MAU2: variants seen among roughly 807,000 people sequenced by gnomAD.
MAU2 encodes the protein MAU2 sister chromatid cohesion factor, also known as MAU2 chromatid cohesion factor homolog.
Under a neutral mutation model 89.1 loss-of-function variants are expected in MAU2, and 9 were observed. The ratio of observed to expected loss-of-function variants is 0.10; its 90% CI spans 0.06 to 0.18. The LOEUF (loss-of-function observed/expected upper bound fraction) is 0.18. Ranked by LOEUF, MAU2 falls within the 10% of genes least tolerant of loss-of-function variation. MAU2 has a pLI of 1.00. For missense variants in MAU2, 425 were observed against 803.5 expected, an observed-to-expected ratio of 0.53 and a Z score of 5.69; for synonymous variants, 357 against 343.4, an observed-to-expected ratio of 1.04 and a Z score of -0.44.
rs375537806 is a variant in MAU2 at position 19,338,916 on chromosome 19, G to T, written c.528G>T (p.Arg176=). Residue 176 remains arginine (R), a synonymous_variant, in exon 5 of 19, where the codon CGG becomes CGT. Coordinates refer to ENST00000262815, the MANE Select transcript of MAU2 (RefSeq NM_015329.4). ...TGGGTGTAGGGGCCGAGTACGCCCG[G>T]GTGGTGGGATCTGAATACACACGGT... ...DLLGVGAEYA[R]VVGSEYTRAL... is the part of the protein sequence containing the mutation. 2.5e-6 allele frequency: 4 copies of T among 1,613,424 alleles called. No homozygotes were observed. The highest frequency in any genetic ancestry group is 2.5e-6 in the Non-Finnish European group (3 of 1,179,908).
At chr19:19,328,667 C>T (rs1361673252) in intron 1 of MAU2, among the ~76,000 whole-genome samples, 4 of 152,074 alleles carry the variant, frequency 2.6e-5, no homozygotes, top group African/African-American at 9.7e-5. Flanking sequence ...GTAATCCGCC[C>T]GCCTCAGCCT....
Position 19,345,401 on chromosome 19 carries a change from C to T in MAU2, c.1221+32C>T, listed in dbSNP as rs533928413. Reference sequence around the variant, plus strand: ...TGCCGGCCCTCCTTGCTGCTCGGGGCGGGCCACACTTCTGAGTAAGGAGTC... The same window carrying T: ...TGCCGGCCCTCCTTGCTGCTCGGGGTGGGCCACACTTCTGAGTAAGGAGTC... On this transcript the variant is annotated intron_variant, in intron 12 of 18. Coordinates refer to ENST00000262815, the MANE Select transcript of MAU2 (RefSeq NM_015329.4). This position sits in a 1 kb window ranked among gnomAD's most constrained non-coding sequence, Gnocchi z 4.9. The T allele has an allele frequency of 1.1e-4, 171 of 1,607,604 alleles. No homozygotes were observed. In the East Asian group the frequency reaches 1.4e-3, roughly 13 times the overall value.
chr19:19,336,766 G>A (rs866371397), intron 3 of MAU2, among the ~76,000 whole-genome samples: 2 of 152,070 alleles, frequency 1.3e-5, no homozygotes, highest in African/African-American at 4.8e-5. Context: ...TTCAATTGTA[G>A]CCGAAATCTG....
chr19:19,324,998 A>G (rs905228152), intron 1 of MAU2, among the ~76,000 whole-genome samples: 1 of 152,086 alleles, frequency 6.6e-6, no homozygotes, highest in African/African-American at 2.4e-5. Context: ...AAAGAATCGT[A>G]TGTTCTCCGC....
chr19:19,331,844 A>C (rs1254194536), intron 1 of MAU2, among the ~76,000 whole-genome samples: 5 of 152,232 alleles, frequency 3.3e-5, no homozygotes. Flanking sequence ...TCACCCTGAC[A>C]CCAGGCCCAT....
intron 7 of MAU2, among the ~76,000 whole-genome samples, 192 bp from the exon 8 acceptor site, chr19:19,342,343 G>C (rs1490302562): frequency 6.6e-6 from 1 of 152,198 alleles, no homozygotes; most frequent in Non-Finnish European, 1.5e-5. Context: ...TGCCCGCCTG[G>C]CTGTGCCCCA....
chr19:19,354,462 C>T lies in MAU2; in HGVS notation c.1639+17C>T. On this transcript the variant is annotated intron_variant, in intron 17 of 18. Transcript: ENST00000262815. ...TGCTGAGAGGTGAGTGCAATGGCCACCCCTCTTCCCCAGCCCCAGCCTGGC... is the reference window on the plus strand; with the variant it reads ...TGCTGAGAGGTGAGTGCAATGGCCATCCCTCTTCCCCAGCCCCAGCCTGGC... 6.2e-7 allele frequency: 1 copy of T among 1,604,704 alleles called. No homozygotes were observed. Among genetic ancestry groups the T allele is most frequent in the Non-Finnish European group, 8.5e-7 (1 of 1,172,958 alleles).
At chr19:19,352,891 C>T (rs556809987) in intron 16 of MAU2, 2 of 152,404 alleles carry the variant, frequency 1.3e-5, no homozygotes, top group Admixed American at 6.5e-5. Context: ...CTCCAGATCT[C>T]GGGGAGACAC....
At chr19:19,347,609 A>T (rs1177283342) in intron 13 of MAU2, 1 of 470,304 alleles carries the variant, frequency 2.1e-6, no homozygotes, top group Non-Finnish European at 3.8e-6. Flanking sequence ...TTTATCACAA[A>T]CAAACCAAGC....
chr19:19,335,258 C>T (rs1390956238), intron 1 of MAU2, among the ~76,000 whole-genome samples: 1 of 152,222 alleles, frequency 6.6e-6, no homozygotes, highest in African/African-American at 2.4e-5. Flanking sequence ...AAGGACTAAC[C>T]TTGCCCCCCA....
At chr19:19,342,232 CGTGAAGACCAA>C (rs1200244059) in intron 7 of MAU2, among the ~76,000 whole-genome samples, 1 of 152,174 alleles carries the variant, frequency 6.6e-6, no homozygotes, top group Non-Finnish European at 1.5e-5. Flanking sequence ...GGTCTGGCTG[CGTGAAGACCAA>C]GTGCAGCTCC....
intron 16 of MAU2, among the ~76,000 whole-genome samples, chr19:19,350,560 C>T (rs555747169): frequency 1.3e-5 from 2 of 149,910 alleles, no homozygotes; most frequent in East Asian, 2.0e-4. Flanking sequence ...AAGCCGAGGT[C>T]GTGTCATTGT....
chr19:19,324,054 G>A (rs1480183398), intron 1 of MAU2, among the ~76,000 whole-genome samples: 1 of 152,198 alleles, frequency 6.6e-6, no homozygotes, highest in Non-Finnish European at 1.5e-5. Flanking sequence ...CGGGGGATCA[G>A]CAATGGCTAA....
At chr19:19,353,778 C>T (rs1313031899) in intron 16 of MAU2, 2 of 161,256 alleles carry the variant, frequency 1.2e-5, no homozygotes, top group African/African-American at 4.8e-5. Flanking sequence ...ATTTATGGGC[C>T]CTGATGGCTC....
intron 1 of MAU2, among the ~76,000 whole-genome samples, chr19:19,328,837 T>G (rs2061532291): frequency 6.6e-6 from 1 of 152,172 alleles, no homozygotes; most frequent in Non-Finnish European, 1.5e-5. Flanking sequence ...ATGCCGCCTC[T>G]CTGGAAGAAC....
At chr19:19,342,187 A>C (rs1488375087) in intron 7 of MAU2, among the ~76,000 whole-genome samples, 1 of 151,312 alleles carries the variant, frequency 6.6e-6, no homozygotes, top group Admixed American at 6.6e-5. Context: ...GCCACCTCCC[A>C]CCCCCTCAGA....
intron 13 of MAU2, 21 bp from the exon 14 acceptor site, chr19:19,348,868 G>C: frequency 6.2e-7 from 1 of 1,613,980 alleles, no homozygotes; most frequent in Non-Finnish European, 8.5e-7. Flanking sequence ...GAATGGTGCT[G>C]ACTGGCTCTT....
intron 13 of MAU2, chr19:19,348,636 G>A: frequency 1.6e-6 from 1 of 614,454 alleles, no homozygotes; most frequent in African/African-American, 1.8e-5. Flanking sequence ...ACCATACAAA[G>A]GCCTTCTGGA....
chr19:19,329,329 C>A (rs1487147864), intron 1 of MAU2, among the ~76,000 whole-genome samples: 1 of 152,210 alleles, frequency 6.6e-6, no homozygotes, highest in East Asian at 1.9e-4. Context: ...TCTTGAGTCA[C>A]CTCTGACTTC....
Sources: allele counts gnomAD v4.1 joint callset (sites outside exome capture counted in the v4.1 genomes callset), GRCh38; gene constraint gnomAD v4.1.1; non-coding constraint Gnocchi (gnomAD v3.1); transcripts MANE v1.5; gene names NCBI Gene and HGNC (gene_info 2026-07-23, HGNC 2026-07-21).